Variants in RASGEF1C observed in about 807,000 individuals in gnomAD.
RASGEF1C encodes ras-GEF domain-containing family member 1C.
Under a neutral mutation model 58.1 loss-of-function variants are expected in RASGEF1C, and 27 were observed. The observed-to-expected ratio is 0.46, with a 90% CI of 0.34 to 0.64. The LOEUF is 0.64. RASGEF1C is among the 30% of genes least tolerant of loss of function. The pLI is 0.01. For synonymous variants in RASGEF1C, 243 were observed against 246.3 expected, an observed-to-expected ratio of 0.99 and a Z score of 0.13; for missense variants, 502 against 605.1, an observed-to-expected ratio of 0.83 and a Z score of 1.79.
At chr5:180,192,400 A>C (rs7719326) in intron 1 of RASGEF1C, among the ~76,000 whole-genome samples, 99,119 of 152,036 alleles carry the variant, frequency 0.65, 34,532 homozygotes, top group East Asian at 0.88. Flanking sequence ...GAGGCTCTCA[A>C]GAGTGTTCAC....
At chr5:180,192,260 T>C (rs994409328) in intron 1 of RASGEF1C, among the ~76,000 whole-genome samples, 23 of 152,148 alleles carry the variant, frequency 1.5e-4, no homozygotes, top group Admixed American at 6.5e-5. Flanking sequence ...TTGGAACCCA[T>C]ACAATGGAAA....
rs150467776 is a variant in RASGEF1C, at chr5:180,174,265, G to A, written c.-7+34763C>T. On this transcript the variant is annotated intron_variant, in intron 1 of 13. Transcript: ENST00000361132. ...GCTAAACTTTAACAAATTCGTCATCGTCTTTTCTGGGAAGAACGAGGGAAG... is the reference window on the plus strand; with the variant it reads ...GCTAAACTTTAACAAATTCGTCATCATCTTTTCTGGGAAGAACGAGGGAAG... 6.7e-3 allele frequency among the ~76,000 whole-genome samples: 1,023 copies of A among 152,266 alleles called. 6 individuals carry two copies. Among genetic ancestry groups the A allele is most frequent in the African/African-American group, 0.023 (970 of 41,556 alleles).
Position 180,174,034 on chromosome 5 carries a change from G to A in RASGEF1C, c.-7+34994C>T, listed in dbSNP as rs148722543. Among the ~76,000 whole-genome samples the A allele has an allele frequency of 2.4e-3, 366 of 152,020 alleles. 3 individuals carry two copies. The highest frequency in any genetic ancestry group is 3.6e-3 in the Non-Finnish European group (243 of 67,980). On this transcript the variant is annotated intron_variant, in intron 1 of 13. Coordinates refer to ENST00000361132, the MANE Select transcript of RASGEF1C (RefSeq NM_175062.4). ...TGGTCTCAGAAAGTTGGGGAAGTGT[G>A]GTCCTCCTCGCTGCTGCTCTCGGGG...
At chr5:180,152,768 T>C (rs919943283) in intron 1 of RASGEF1C, among the ~76,000 whole-genome samples, 2 of 151,640 alleles carry the variant, frequency 1.3e-5, no homozygotes, top group African/African-American at 2.4e-5. Context: ...AAAAATTAGC[T>C]GGGCGTGGTG....
At chr5:180,167,558 G>A (rs1767041823) in intron 1 of RASGEF1C, among the ~76,000 whole-genome samples, 1 of 152,012 alleles carries the variant, frequency 6.6e-6, no homozygotes, top group African/African-American at 2.4e-5. Context: ...TTCAGTTCTA[G>A]GATGTCCATT....
chr5:180,166,515 C>CTTT (rs543849836), intron 1 of RASGEF1C, among the ~76,000 whole-genome samples: 2 of 137,914 alleles, frequency 1.5e-5, no homozygotes, highest in South Asian at 2.3e-4. Context: ...AAGAATTTTT[C>CTTT]TTTTTTTTTT....
intron 1 of RASGEF1C, among the ~76,000 whole-genome samples, chr5:180,145,400 C>T (rs1407046840): frequency 6.6e-6 from 1 of 152,190 alleles, no homozygotes; most frequent in African/African-American, 2.4e-5. Flanking sequence ...GGATTACAGG[C>T]GTGAGCCACC....
intron 1 of RASGEF1C, among the ~76,000 whole-genome samples, chr5:180,164,515 GT>G (rs1414149179): frequency 6.6e-6 from 1 of 152,118 alleles, no homozygotes; most frequent in Non-Finnish European, 1.5e-5. Context: ...AGTTAAAAAT[GT>G]TTTTGAATTT....
At chr5:180,201,506 C>T (rs2127564357) in intron 1 of RASGEF1C, among the ~76,000 whole-genome samples, 1 of 152,300 alleles carries the variant, frequency 6.6e-6, no homozygotes, top group Non-Finnish European at 1.5e-5. Flanking sequence ...CATCTGTTAC[C>T]ACCAGTCCAG....
At chr5:180,141,816 T>C (rs1766585404) in intron 1 of RASGEF1C, among the ~76,000 whole-genome samples, 1 of 151,732 alleles carries the variant, frequency 6.6e-6, no homozygotes, top group Admixed American at 6.6e-5. Flanking sequence ...TTCAAGGGAT[T>C]CTCGTGCCTC....
Position 180,177,315 on chromosome 5 carries a change from G to A in RASGEF1C, c.-7+31713C>T, listed in dbSNP as rs1471093438. ...ACCCAGTGAAGGGGCTGGCCTGCCC[G>A]GCTCACCCAGCAGCTTCCCCAAAGA... is the stretch of plus-strand genomic sequence containing the variant. On this transcript the variant is annotated intron_variant, in intron 1 of 13. Transcript: ENST00000361132. This position sits in a 1 kb window ranked among gnomAD's most constrained non-coding sequence, Gnocchi z 5.0. Among the ~76,000 whole-genome samples the A allele has an allele frequency of 1.3e-5, 2 of 152,160 alleles. No homozygotes were observed. The highest frequency in any genetic ancestry group is 2.4e-5 in the African/African-American group (1 of 41,452).
intron 1 of RASGEF1C, among the ~76,000 whole-genome samples, chr5:180,196,376 CTG>C (rs1756278014): frequency 6.6e-6 from 1 of 151,988 alleles, no homozygotes; most frequent in Non-Finnish European, 1.5e-5. Context: ...TGGCGGAAGA[CTG>C]TAATACCAGC....
intron 1 of RASGEF1C, among the ~76,000 whole-genome samples, chr5:180,183,698 C>T (rs890959881): frequency 1.2e-4 from 18 of 151,924 alleles, no homozygotes; most frequent in African/African-American, 4.1e-4. Flanking sequence ...GTGATGCATG[C>T]CTGTAATTCA....
intron 6 of RASGEF1C, among the ~76,000 whole-genome samples, chr5:180,121,823 A>G (rs4700711): frequency 0.59 from 90,288 of 151,964 alleles, 27,115 homozygotes; most frequent in East Asian, 0.74. Flanking sequence ...GAGCGTCCGC[A>G]AGCATCTCCA....
rs773606879 is a variant in RASGEF1C at position 180,198,383 on chromosome 5, C to T, written c.-7+10645G>A. ...TCTGGTGTCTGAGGCCCAGAGCAAT[C>T]CTAGGACTGTAAGAGTCTCCCAGAG... On this transcript the variant is annotated intron_variant, in intron 1 of 13. Coordinates refer to ENST00000361132, the MANE Select transcript of RASGEF1C (RefSeq NM_175062.4). This position sits in a 1 kb window ranked among gnomAD's most constrained non-coding sequence, Gnocchi z 4.5. Among the ~76,000 whole-genome samples the T allele has an allele frequency of 6.6e-6, 1 of 152,224 alleles. No individual in the cohort carries two copies. The highest frequency in any genetic ancestry group is 2.4e-5 in the African/African-American group (1 of 41,472).
intron 1 of RASGEF1C, among the ~76,000 whole-genome samples, chr5:180,206,401 G>T (rs1756488055): frequency 6.6e-6 from 1 of 152,124 alleles, no homozygotes; most frequent in Non-Finnish European, 1.5e-5. Flanking sequence ...TATAATAATA[G>T]AAATATAAAT....
chr5:180,116,432 T>C (rs1402725734), intron 10 of RASGEF1C, among the ~76,000 whole-genome samples: 1 of 151,902 alleles, frequency 6.6e-6, no homozygotes, highest in African/African-American at 2.4e-5. Flanking sequence ...TAAGTATCCC[T>C]TTCTCCTTCC....
At chr5:180,116,421 C>CT (rs1554111602) in intron 10 of RASGEF1C, among the ~76,000 whole-genome samples, 1 of 152,296 alleles carries the variant, frequency 6.6e-6, no homozygotes, top group East Asian at 1.9e-4. Flanking sequence ...GAGCACCACT[C>CT]TAAGTATCCC....
intron 1 of RASGEF1C, among the ~76,000 whole-genome samples, chr5:180,181,847 T>C (rs931469399): frequency 5.4e-4 from 83 of 152,298 alleles, no homozygotes; most frequent in African/African-American, 1.9e-3. Context: ...ATGCTATATA[T>C]GCAGCAGCAC....
Sources: allele counts gnomAD v4.1 joint callset (sites outside exome capture counted in the v4.1 genomes callset), GRCh38; gene constraint gnomAD v4.1.1; non-coding constraint Gnocchi (gnomAD v3.1); transcripts MANE v1.5; gene names NCBI Gene and HGNC (gene_info 2026-07-23, HGNC 2026-07-21).